Variants in PTK2 observed in about 807,000 individuals in gnomAD.
PTK2 encodes focal adhesion kinase 1.
In PTK2, 45 loss-of-function variants were observed where a neutral mutation model predicts 150.1. The ratio of observed to expected loss-of-function variants is 0.30; its 90% confidence interval spans 0.24 to 0.38. The LOEUF (loss-of-function observed/expected upper bound fraction) is 0.38. Ranked by LOEUF, PTK2 falls within the 10% of genes least tolerant of loss-of-function variation. The pLI is 1.00. For missense variants in PTK2, 919 were observed against 1,307.3 expected (o/e 0.70, Z 4.58); for synonymous variants, 432 against 449.2 (o/e 0.96, Z 0.48).
At chr8:140,978,862 A>G (rs1380398833) in intron 1 of PTK2, among the ~76,000 whole-genome samples, 1 of 151,698 alleles carries the variant, frequency 6.6e-6, no homozygotes, top group Non-Finnish European at 1.5e-5. Context: ...ACCAACCCAA[A>G]TGTCCATCAG....
intron 13 of PTK2, among the ~76,000 whole-genome samples, chr8:140,790,811 G>A (rs2100087977): frequency 6.6e-6 from 1 of 152,024 alleles, no homozygotes. Flanking sequence ...CTTCCATTGC[G>A]CTACATGATT....
intron 10 of PTK2, among the ~76,000 whole-genome samples, chr8:140,806,933 CCCTACTATA>C: frequency 6.6e-6 from 1 of 152,210 alleles, no homozygotes; most frequent in African/African-American, 2.4e-5. Flanking sequence ...TCTCACGCCA[CCCTACTATA>C]GCCCTTTAGC....
At chr8:140,853,192 TC>T (rs1275033044) in intron 5 of PTK2, among the ~76,000 whole-genome samples, 3 of 116,898 alleles carry the variant, frequency 2.6e-5, no homozygotes, top group Non-Finnish European at 6.5e-5. Flanking sequence ...GATGTCACAC[TC>T]TTTTTTTTTT....
At chr8:140,814,384 A>G (rs1248713943) in intron 10 of PTK2, among the ~76,000 whole-genome samples, 1 of 152,244 alleles carries the variant, frequency 6.6e-6, no homozygotes, top group Middle Eastern at 3.2e-3. Context: ...TTATTGATGA[A>G]CATAGATGCA....
intron 11 of PTK2, among the ~76,000 whole-genome samples, chr8:140,803,335 C>T (rs1381861543): frequency 6.6e-6 from 1 of 152,056 alleles, no homozygotes; most frequent in Non-Finnish European, 1.5e-5. Context: ...TTTACAATAA[C>T]GTTCTTGGAT....
At chr8:140,759,024 T>TA (rs1188315083) in intron 16 of PTK2, among the ~76,000 whole-genome samples, 1 of 152,230 alleles carries the variant, frequency 6.6e-6, no homozygotes, top group African/African-American at 2.4e-5. Flanking sequence ...CAGGCTATAT[T>TA]ATATAGCCTA....
At chr8:140,678,774 G>A (rs572091827) in intron 27 of PTK2, among the ~76,000 whole-genome samples, 2 of 152,170 alleles carry the variant, frequency 1.3e-5, no homozygotes, top group South Asian at 2.1e-4. Context: ...AGGGCAAACC[G>A]AATGTGTGAG....
intron 8 of PTK2, among the ~76,000 whole-genome samples, chr8:140,830,084 T>TACAC (rs67413157): frequency 5.4e-4 from 80 of 149,388 alleles, no homozygotes; most frequent in Non-Finnish European, 9.2e-4. Context: ...CGCACACACA[T>TACAC]ACACACACAC....
At chr8:140,849,353 C>T (rs1320950350) in intron 5 of PTK2, among the ~76,000 whole-genome samples, 2 of 152,166 alleles carry the variant, frequency 1.3e-5, no homozygotes, top group Non-Finnish European at 2.9e-5. Context: ...TTCTCTCAAG[C>T]CACTGGGCAC....
At chr8:140,775,431 G>A (rs1277791444) in intron 14 of PTK2, among the ~76,000 whole-genome samples, 1 of 152,120 alleles carries the variant, frequency 6.6e-6, no homozygotes, top group East Asian at 1.9e-4. Flanking sequence ...GTTGCAGTGA[G>A]CCAAGATCAC....
intron 14 of PTK2, 139 bp downstream of exon 16, chr8:140,769,436 T>A (rs531858576): frequency 8.6e-6 from 3 of 349,046 alleles, no homozygotes; most frequent in South Asian, 4.9e-5. Context: ...AAGCAATTTT[T>A]AAAATATTTT....
intron 22 of PTK2, among the ~76,000 whole-genome samples, chr8:140,726,959 T>C (rs751547519): frequency 1.3e-5 from 2 of 152,178 alleles, no homozygotes; most frequent in Non-Finnish European, 2.9e-5. Context: ...TGGTGGTAAA[T>C]GGACATTCCT....
intron 4 of PTK2, among the ~76,000 whole-genome samples, chr8:140,874,130 C>T (rs753930490): frequency 1.6e-4 from 25 of 152,106 alleles, no homozygotes; most frequent in Non-Finnish European, 2.8e-4. Context: ...TTTATCAATC[C>T]AGCTCTTCCT....
chr8:140,916,012 A>T (rs1372941756), intron 2 of PTK2, among the ~76,000 whole-genome samples: 2 of 152,222 alleles, frequency 1.3e-5, no homozygotes, highest in Non-Finnish European at 2.9e-5. Flanking sequence ...TCTTCCCCAA[A>T]TACTAATAAT....
At chr8:140,725,042 G>A (rs1236060039) in intron 22 of PTK2, among the ~76,000 whole-genome samples, 1 of 152,132 alleles carries the variant, frequency 6.6e-6, no homozygotes, top group Non-Finnish European at 1.5e-5. Context: ...TTCTCCAACT[G>A]CAGTAAATAA....
chr8:140,950,662 A>AGCCACCGT, intron 1 of PTK2, among the ~76,000 whole-genome samples: 1 of 152,346 alleles, frequency 6.6e-6, no homozygotes, highest in Non-Finnish European at 1.5e-5. Flanking sequence ...AGGTGCCACC[A>AGCCACCGT]GCCACCGTGA....
At chr8:140,698,913 C>T (rs2100028495) in intron 26 of PTK2, among the ~76,000 whole-genome samples, 1 of 148,914 alleles carries the variant, frequency 6.7e-6, no homozygotes. Context: ...CTGCACCTGC[C>T]TAATTTTTGT....
chr8:140,665,207 G>A (rs1331388428), intron 30 of PTK2, among the ~76,000 whole-genome samples: 1 of 151,922 alleles, frequency 6.6e-6, no homozygotes, highest in Non-Finnish European at 1.5e-5. Context: ...AATACCCTAA[G>A]GAGTGAGTTG....
chr8:140,940,127 C>T (rs1245868657), intron 1 of PTK2, among the ~76,000 whole-genome samples: 2 of 152,188 alleles, frequency 1.3e-5, no homozygotes, highest in African/African-American at 4.8e-5. Context: ...TAACATATCC[C>T]TGATAGGATG....
Sources: gnomAD v4.1 joint callset for allele counts (sites outside exome capture counted in the v4.1 genomes callset) on GRCh38, gnomAD v4.1.1 for gene constraint, MANE v1.5 for transcripts, NCBI Gene and HGNC (gene_info 2026-07-23, HGNC 2026-07-21) for gene names.